The following KCNH1 variants were observed in gnomAD, a reference collection of about 807,000 sequenced individuals.
KCNH1 encodes the protein voltage-gated delayed rectifier potassium channel KCNH1.
KCNH1 carries 27 observed loss-of-function variants against 69.2 expected under a neutral mutation model. The ratio of observed to expected loss-of-function variants is 0.39; its 90% CI spans 0.29 to 0.54. The LOEUF is 0.54. Among genes scored for constraint, KCNH1 ranks in the 20% least tolerant of loss-of-function variants. The pLI, the probability that KCNH1 is intolerant of heterozygous loss-of-function variation, is 0.68. For missense variants in KCNH1, 798 were observed against 1,261.6 expected (o/e 0.63, Z 5.57); for synonymous variants, 456 against 487.7 (o/e 0.93, Z 0.86).
intron 5 of KCNH1, among the ~76,000 whole-genome samples, chr1:211,027,908 T>C (rs1206965714): frequency 6.6e-6 from 1 of 152,016 alleles, no homozygotes; most frequent in Non-Finnish European, 1.5e-5. Context: ...GGTAGAAAAC[T>C]AGCAAAGATA....
At chr1:210,942,996 A>C (rs940383926) in intron 6 of KCNH1, among the ~76,000 whole-genome samples, 16 of 152,338 alleles carry the variant, frequency 1.1e-4, no homozygotes, top group African/African-American at 3.6e-4. Context: ...GCAAATAAAA[A>C]TAATTTTAAA....
intron 7 of KCNH1, among the ~76,000 whole-genome samples, chr1:210,895,084 T>G (rs914505000): frequency 1.3e-5 from 2 of 152,190 alleles, no homozygotes; most frequent in Non-Finnish European, 2.9e-5. Flanking sequence ...GGGATCATTG[T>G]CCTTTGTTAC....
chr1:211,079,674 A>G (rs1690814465), intron 5 of KCNH1, among the ~76,000 whole-genome samples: 1 of 152,238 alleles, frequency 6.6e-6, no homozygotes, highest in African/African-American at 2.4e-5. Context: ...TATGCAAATC[A>G]ATAAACATAA....
intron 6 of KCNH1, among the ~76,000 whole-genome samples, chr1:210,974,720 C>T (rs541477306): frequency 2.6e-5 from 4 of 152,006 alleles, no homozygotes; most frequent in East Asian, 1.9e-4. Context: ...CGTGACACTA[C>T]GCCCGGCTAA....
chr1:211,067,155 C>T (rs1690547902), intron 5 of KCNH1, among the ~76,000 whole-genome samples: 1 of 152,236 alleles, frequency 6.6e-6, no homozygotes, highest in Non-Finnish European at 1.5e-5. Flanking sequence ...GGAAGCCACA[C>T]AGCAAATCCT....
chr1:210,985,622 G>T (rs1688815310), intron 6 of KCNH1, among the ~76,000 whole-genome samples: 1 of 152,168 alleles, frequency 6.6e-6, no homozygotes, highest in South Asian at 2.1e-4. Context: ...CTGAGTTCTA[G>T]TTTGATTGCA....
At chr1:210,858,230 A>G (rs1456669202) in intron 7 of KCNH1, 1 of 152,208 alleles carries the variant, frequency 6.6e-6, no homozygotes, top group Non-Finnish European at 1.5e-5. Flanking sequence ...CATGCTCTAG[A>G]TACCACCTTT....
chr1:211,005,809 A>C (rs139208841), intron 6 of KCNH1, among the ~76,000 whole-genome samples: 1 of 152,274 alleles, frequency 6.6e-6, no homozygotes, highest in African/African-American at 2.4e-5. Context: ...AAAAACACAC[A>C]GTAGGGAAAA....
intron 7 of KCNH1, among the ~76,000 whole-genome samples, chr1:210,906,379 C>T (rs1247935605): frequency 2.0e-5 from 3 of 152,174 alleles, no homozygotes; most frequent in Non-Finnish European, 4.4e-5. Flanking sequence ...CACAGTTCAA[C>T]ACCACATGAC....
At chr1:210,989,316 A>G (rs368293010) in intron 6 of KCNH1, among the ~76,000 whole-genome samples, 4 of 152,370 alleles carry the variant, frequency 2.6e-5, no homozygotes, top group Admixed American at 2.0e-4. Flanking sequence ...AAGACACAAA[A>G]TACTACTTTT....
intron 7 of KCNH1, among the ~76,000 whole-genome samples, chr1:210,815,750 T>C (rs1170309801): frequency 6.6e-6 from 1 of 152,064 alleles, no homozygotes; most frequent in Non-Finnish European, 1.5e-5. Context: ...GAACTCCCCC[T>C]ACCAGGAGAC....
intron 1 of KCNH1, among the ~76,000 whole-genome samples, chr1:211,127,500 C>T (rs1304795796): frequency 1.3e-5 from 2 of 151,820 alleles, no homozygotes; most frequent in East Asian, 1.9e-4. Flanking sequence ...ACAAGTCTTT[C>T]GCATCATTTA....
chr1:210,716,757 G>T (rs1682263284), intron 10 of KCNH1, among the ~76,000 whole-genome samples: 1 of 152,138 alleles, frequency 6.6e-6, no homozygotes, highest in Admixed American at 6.5e-5. Context: ...TTCTCGAGGA[G>T]GCTTGCTCTC....
At chr1:211,108,896 C>G (rs946777286) in intron 1 of KCNH1, among the ~76,000 whole-genome samples, 7 of 152,024 alleles carry the variant, frequency 4.6e-5, no homozygotes, top group Admixed American at 1.3e-4. Flanking sequence ...AATGCAAGAC[C>G]CTGGGGGTCT....
intron 3 of KCNH1, among the ~76,000 whole-genome samples, chr1:211,099,902 G>A (rs1691227809): frequency 6.6e-6 from 1 of 152,018 alleles, no homozygotes; most frequent in South Asian, 2.1e-4. Flanking sequence ...CTGGACACCT[G>A]TCAGTTTGAA....
At chr1:211,115,758 A>G (rs1691566622) in intron 1 of KCNH1, among the ~76,000 whole-genome samples, 1 of 142,802 alleles carries the variant, frequency 7.0e-6, no homozygotes, top group African/African-American at 2.5e-5. Context: ...TACACATCCT[A>G]TTAGTCCTGT....
At chr1:210,872,834 TTA>T (rs1686282335) in intron 7 of KCNH1, among the ~76,000 whole-genome samples, 1 of 152,176 alleles carries the variant, frequency 6.6e-6, no homozygotes, top group African/African-American at 2.4e-5. Context: ...GGGATTATCA[TTA>T]AACATTGGAT....
At chr1:210,721,209 C>T (rs542207365) in intron 10 of KCNH1, among the ~76,000 whole-genome samples, 46 of 152,178 alleles carry the variant, frequency 3.0e-4, no homozygotes, top group African/African-American at 1.0e-3. Context: ...GCTGGGTTTG[C>T]ACACACAATA....
chr1:210,918,073 A>C (rs1687384338), intron 7 of KCNH1, among the ~76,000 whole-genome samples: 1 of 152,134 alleles, frequency 6.6e-6, no homozygotes, highest in Non-Finnish European at 1.5e-5. Context: ...TCTCAGGAAA[A>C]CTCTGCCTGC....
Sources: gnomAD v4.1 joint callset for allele counts (sites outside exome capture counted in the v4.1 genomes callset) on GRCh38, gnomAD v4.1.1 for gene constraint, MANE v1.5 for transcripts, NCBI Gene and HGNC (gene_info 2026-07-23, HGNC 2026-07-21) for gene names.